PRKCE: variants seen among roughly 807,000 people sequenced by gnomAD.
The protein encoded by PRKCE is protein kinase C epsilon type.
Under a neutral mutation model 85.4 loss-of-function variants are expected in PRKCE, and 16 were observed. The observed-to-expected ratio is 0.19, with a 90% CI of 0.13 to 0.28. The LOEUF (loss-of-function observed/expected upper bound fraction) is 0.28, where lower values mean the gene tolerates loss of function less well. Ranked by LOEUF, PRKCE falls within the 10% of genes least tolerant of loss-of-function variation. PRKCE has a pLI of 1.00. For synonymous variants in PRKCE, 388 were observed against 371.5 expected, an observed-to-expected ratio of 1.04 and a Z score of -0.51; for missense variants, 573 against 975.2, an observed-to-expected ratio of 0.59 and a Z score of 5.49.
rs187342849 is a variant in PRKCE at position 46,117,973 on chromosome 2, C to T, written c.1593-27120C>T. Among the ~76,000 whole-genome samples, 237 of 152,306 alleles carry T rather than the reference C, an allele frequency of 1.6e-3. 2 individuals carry two copies. The highest frequency in any genetic ancestry group is 0.014 in the Middle Eastern group (4 of 294). ...TTCTAATCCTCAATCCTGTAAAACA[C>T]TTCAAAATGGCATTTGTTCACCTCT... is the stretch of plus-strand genomic sequence containing the variant. On this transcript the variant is annotated intron_variant, in intron 11 of 14. Transcript: ENST00000306156.
intron 2 of PRKCE, among the ~76,000 whole-genome samples, chr2:45,864,130 CCTT>C (rs748302955): frequency 4.6e-5 from 7 of 152,174 alleles, no homozygotes; most frequent in Non-Finnish European, 8.8e-5. Flanking sequence ...GGGTGTGAAT[CCTT>C]CTACCCCTCA....
intron 11 of PRKCE, among the ~76,000 whole-genome samples, chr2:46,097,415 G>A (rs1298991196): frequency 1.3e-5 from 2 of 151,976 alleles, no homozygotes; most frequent in Non-Finnish European, 2.9e-5. Flanking sequence ...AGCTACTCGG[G>A]AGGCTGAGGC....
intron 11 of PRKCE, among the ~76,000 whole-genome samples, chr2:46,110,340 A>T (rs1672133573): frequency 6.6e-6 from 1 of 151,994 alleles, no homozygotes; most frequent in South Asian, 2.1e-4. Flanking sequence ...TTTTTGGGGG[A>T]GATTATTAAT....
In PRKCE at chr2:45,716,606, G is replaced by GAGAAGA. The variant is rs879888426; in HGVS notation, c.348+64170_348+64175dup. ...AAGAAAGGAAGGAAGGAAGGAGAGG[G>GAGAAGA]AGAAGAAGAAGAAGAAGGAGAAGGA... On this transcript the variant is annotated intron_variant, in intron 1 of 14. Coordinates refer to ENST00000306156, the MANE Select transcript of PRKCE (RefSeq NM_005400.3). Among the ~76,000 whole-genome samples the GAGAAGA allele has an allele frequency of 7.0e-5, 10 of 143,808 alleles. 1 individual carries two copies. Among genetic ancestry groups the GAGAAGA allele is most frequent in the Middle Eastern group, 3.6e-3 (1 of 276 alleles). The allele number at this position is 143,808 out of a possible 152,430, so 94.3% of individuals were successfully genotyped here. A position where few individuals can be genotyped will look rare whatever the true frequency, so the allele number is the denominator to read the frequency against.
At chr2:45,812,109 G>A (rs1476103503) in intron 1 of PRKCE, among the ~76,000 whole-genome samples, 1 of 152,188 alleles carries the variant, frequency 6.6e-6, no homozygotes, top group African/African-American at 2.4e-5. Flanking sequence ...GTATGACTTT[G>A]GGTGAGTCAC....
intron 10 of PRKCE, among the ~76,000 whole-genome samples, chr2:46,039,305 C>G (rs1029437238): frequency 5.3e-5 from 8 of 152,196 alleles, no homozygotes; most frequent in Admixed American, 1.3e-4. Context: ...CTGTCTCTCT[C>G]ACATCTTCCT....
At chr2:45,715,983 C>T (rs1432840435) in intron 1 of PRKCE, among the ~76,000 whole-genome samples, 2 of 152,174 alleles carry the variant, frequency 1.3e-5, no homozygotes, top group African/African-American at 2.4e-5. Flanking sequence ...CAGTGCTGGG[C>T]CCACATTCTC....
At chr2:46,110,380 G>T (rs1438311050) in intron 11 of PRKCE, among the ~76,000 whole-genome samples, 1 of 152,046 alleles carries the variant, frequency 6.6e-6, no homozygotes, top group Non-Finnish European at 1.5e-5. Context: ...ATAAGTAGAG[G>T]CCTATTCAGA....
chr2:45,899,662 C>T (rs1198730700), intron 2 of PRKCE, among the ~76,000 whole-genome samples: 1 of 152,170 alleles, frequency 6.6e-6, no homozygotes, highest in African/African-American at 2.4e-5. Flanking sequence ...AGATTACAGG[C>T]ATGAGCTACT....
intron 10 of PRKCE, among the ~76,000 whole-genome samples, chr2:46,079,905 A>G (rs969869156): frequency 2.6e-5 from 4 of 152,230 alleles, no homozygotes; most frequent in Admixed American, 2.0e-4. Context: ...GGTCATTATG[A>G]ACTATTCTTA....
chr2:45,709,806 A>G (rs927394065), intron 1 of PRKCE, among the ~76,000 whole-genome samples: 3 of 152,002 alleles, frequency 2.0e-5, no homozygotes, highest in African/African-American at 7.2e-5. Context: ...CCCTGTGACC[A>G]TGTATCTTTT....
At position 45,928,853 on chromosome 2, in the gene PRKCE, T is replaced by G. The variant is rs547740973; in HGVS notation, c.413-47576T>G. ...AATCCATGCACAACCAGAATTAGACTATTCTGCAGCTGATGGAGCACCTGG... is the reference window on the plus strand; with the variant it reads ...AATCCATGCACAACCAGAATTAGACGATTCTGCAGCTGATGGAGCACCTGG... On this transcript the variant is annotated intron_variant, in intron 2 of 14. Transcript: ENST00000306156. Among the ~76,000 whole-genome samples the G allele has an allele frequency of 4.6e-5, 7 of 152,224 alleles. No individual in the cohort carries two copies. In the South Asian group the frequency reaches 1.5e-3, roughly 32 times the overall value.
intron 2 of PRKCE, among the ~76,000 whole-genome samples, chr2:45,865,816 T>TTCTTCTTCTTC (rs3069020): frequency 3.4e-5 from 4 of 116,092 alleles, no homozygotes; most frequent in African/African-American, 9.9e-5. Flanking sequence ...CTTCTTCTTC[T>TTCTTCTTCTTC]TTTTTTTTTT....
chr2:45,826,887 C>T (rs980777963), intron 1 of PRKCE, among the ~76,000 whole-genome samples: 5 of 152,230 alleles, frequency 3.3e-5, no homozygotes, highest in Admixed American at 3.3e-4. Flanking sequence ...ACCTCCACTA[C>T]CACCACCCCT....
intron 1 of PRKCE, among the ~76,000 whole-genome samples, chr2:45,662,360 C>T (rs981867241): frequency 1.4e-4 from 22 of 152,090 alleles, no homozygotes; most frequent in African/African-American, 4.8e-4. Flanking sequence ...AAATTACAAC[C>T]GAGAAGCACA....
intron 2 of PRKCE, among the ~76,000 whole-genome samples, chr2:45,872,005 C>A (rs1401822594): frequency 6.6e-6 from 1 of 152,118 alleles, no homozygotes; most frequent in Non-Finnish European, 1.5e-5. Context: ...ATGGGAGGCA[C>A]TGGGGAGATA....
rs1210137923 is a variant in PRKCE, at chr2:46,155,403, C to T, written c.1920+4174C>T. On this transcript the variant is annotated intron_variant, in intron 13 of 14. Coordinates refer to ENST00000306156, the MANE Select transcript of PRKCE (RefSeq NM_005400.3). This position sits in a 1 kb window ranked among gnomAD's most constrained non-coding sequence, Gnocchi z 4.7. ...TCCTTCATGAATGGATTCTGGTCACCGCCTCTCTTGTTCCTCAGGCCTGGG... is the reference window on the plus strand; with the variant it reads ...TCCTTCATGAATGGATTCTGGTCACTGCCTCTCTTGTTCCTCAGGCCTGGG... Among the ~76,000 whole-genome samples, 1 of 152,048 alleles carries T rather than the reference C, an allele frequency of 6.6e-6. No homozygotes were observed. Among genetic ancestry groups the T allele is most frequent in the African/African-American group, 2.4e-5 (1 of 41,386 alleles).
intron 5 of PRKCE, among the ~76,000 whole-genome samples, chr2:45,981,174 A>G (rs549201948): frequency 1.3e-5 from 2 of 152,350 alleles, no homozygotes; most frequent in East Asian, 3.9e-4. Flanking sequence ...TACGAGAATG[A>G]TAGTCCCACT....
intron 1 of PRKCE, among the ~76,000 whole-genome samples, chr2:45,827,665 G>A (rs1313418697): frequency 2.0e-5 from 3 of 152,184 alleles, no homozygotes; most frequent in Admixed American, 6.5e-5. Flanking sequence ...ACAGTTTAGT[G>A]CACCATTAGA....
Sources: gnomAD v4.1 joint callset for allele counts (sites outside exome capture counted in the v4.1 genomes callset) on GRCh38, gnomAD v4.1.1 for gene constraint, Gnocchi (gnomAD v3.1) non-coding constraint, MANE v1.5 for transcripts, NCBI Gene and HGNC (gene_info 2026-07-23, HGNC 2026-07-21) for gene names.